The following RBFOX1 variants were observed in gnomAD, a reference collection of about 807,000 sequenced individuals.
RBFOX1 encodes RNA binding fox-1 homolog 1, also known as RNA binding protein fox-1 homolog 1.
Under a neutral mutation model 57.7 loss-of-function variants are expected in RBFOX1, and 8 were observed. The observed-to-expected ratio is 0.14, with a 90% CI of 0.08 to 0.25. RBFOX1 has a LOEUF of 0.25. Among genes scored for constraint, RBFOX1 ranks in the 10% least tolerant of loss-of-function variants. The pLI is 1.00. For missense variants in RBFOX1, 611 were observed against 548.5 expected, an observed-to-expected ratio of 1.11 and a Z score of -1.14; for synonymous variants, 326 against 222.4, an observed-to-expected ratio of 1.47 and a Z score of -4.15.
intron 3 of RBFOX1, among the ~76,000 whole-genome samples, chr16:6,714,477 G>C (rs955547356): frequency 3.3e-5 from 5 of 152,084 alleles, no homozygotes; most frequent in African/African-American, 1.2e-4. Flanking sequence ...TGGAACCAAC[G>C]TACACACATA....
chr16:5,835,777 T>G (rs1031068198), intron 3 of RBFOX1, among the ~76,000 whole-genome samples: 1 of 152,236 alleles, frequency 6.6e-6, no homozygotes, highest in African/African-American at 2.4e-5. Flanking sequence ...TTATATCTGA[T>G]TACTTATTCA....
At chr16:7,492,959 A>G (rs892354255) in intron 4 of RBFOX1, among the ~76,000 whole-genome samples, 1 of 151,880 alleles carries the variant, frequency 6.6e-6, no homozygotes, top group Admixed American at 6.6e-5. Flanking sequence ...GCTCACTGCA[A>G]CCTCCGCCTC....
At chr16:6,386,686 GACA>G (rs2092305945) in intron 2 of RBFOX1, among the ~76,000 whole-genome samples, 1 of 152,224 alleles carries the variant, frequency 6.6e-6, no homozygotes, top group African/African-American at 2.4e-5. Context: ...AATAGTGTCT[GACA>G]CATAGTAGGA....
Position 6,129,747 on chromosome 16 carries a change from G to GAA in RBFOX1, c.-127+109765_-127+109766dup, listed in dbSNP as rs34774478. Among the ~76,000 whole-genome samples, 357 of 131,666 alleles carry GAA rather than the reference G, an allele frequency of 2.7e-3. 2 individuals are homozygous for GAA. The highest frequency in any genetic ancestry group is 7.6e-3 in the African/African-American group (268 of 35,436). 86.4% of individuals were successfully genotyped at this position (131,666 alleles called of 152,430 possible). A position where few individuals can be genotyped will look rare whatever the true frequency, so the allele number is the denominator to read the frequency against. On this transcript the variant is annotated intron_variant, in intron 1 of 15. Transcript: ENST00000550418. ...AAACTCAGACATCAGTCATATTGACGAAAAAAAAAAACCATAGATAATATT... is the reference window on the plus strand; with the variant it reads ...AAACTCAGACATCAGTCATATTGACGAAAAAAAAAAAAACCATAGATAATATT...
intron 3 of RBFOX1, among the ~76,000 whole-genome samples, chr16:6,965,704 A>C (rs191013030): frequency 0.013 from 1,918 of 152,332 alleles, 20 homozygotes; most frequent in Non-Finnish European, 0.02. Flanking sequence ...GAACTTAAAA[A>C]GTAGATGTGA....
intron 4 of RBFOX1, among the ~76,000 whole-genome samples, chr16:7,498,072 T>C (rs1477645781): frequency 6.6e-6 from 1 of 152,210 alleles, no homozygotes; most frequent in Non-Finnish European, 1.5e-5. Flanking sequence ...GTGAAAGTTA[T>C]GTTCTGTTCC....
intron 2 of RBFOX1, among the ~76,000 whole-genome samples, chr16:6,623,970 G>T (rs2098270348): frequency 6.6e-6 from 1 of 152,196 alleles, no homozygotes; most frequent in African/African-American, 2.4e-5. Context: ...TAGTGGGATT[G>T]CTGGGTCAAA....
intron 4 of RBFOX1, among the ~76,000 whole-genome samples, chr16:5,900,823 C>T (rs1263735377): frequency 6.6e-6 from 1 of 152,198 alleles, no homozygotes; most frequent in African/African-American, 2.4e-5. Context: ...TCAAGACATC[C>T]AGGAAGCTGC....
intron 2 of RBFOX1, among the ~76,000 whole-genome samples, chr16:6,557,146 TAC>T (rs940582262): frequency 6.9e-6 from 1 of 144,852 alleles, no homozygotes; most frequent in Non-Finnish European, 1.5e-5. Flanking sequence ...TATACATATA[TAC>T]ACACATATAT....
chr16:7,483,328 C>G (rs12919838), intron 4 of RBFOX1, among the ~76,000 whole-genome samples: 54,950 of 152,048 alleles, frequency 0.36, 11,827 homozygotes, highest in Non-Finnish European at 0.49. Context: ...ACCTGTTGTC[C>G]TATCCCAGAT....
chr16:6,961,567 G>C (rs1324085249), intron 3 of RBFOX1, among the ~76,000 whole-genome samples: 2 of 152,182 alleles, frequency 1.3e-5, no homozygotes, highest in Non-Finnish European at 2.9e-5. Flanking sequence ...CAAACGAATG[G>C]CTACTCCATA....
At chr16:5,636,689 C>T (rs1452976808) in intron 3 of RBFOX1, among the ~76,000 whole-genome samples, 1 of 152,226 alleles carries the variant, frequency 6.6e-6, no homozygotes, top group Non-Finnish European at 1.5e-5. Flanking sequence ...GACCTGAGAT[C>T]ATACCCTTGG....
chr16:5,612,524 G>T (rs2047862024), intron 3 of RBFOX1, among the ~76,000 whole-genome samples: 1 of 152,238 alleles, frequency 6.6e-6, no homozygotes, highest in Non-Finnish European at 1.5e-5. Context: ...GCTTCACAAG[G>T]TAGATAATGG....
chr16:7,479,399 G>T (rs1442800091), intron 4 of RBFOX1, among the ~76,000 whole-genome samples: 1 of 152,060 alleles, frequency 6.6e-6, no homozygotes, highest in East Asian at 1.9e-4. Context: ...CAAAGTGCTG[G>T]GATTACAGGT....
chr16:6,267,181 A>C (rs2074611959), intron 1 of RBFOX1, among the ~76,000 whole-genome samples: 2 of 152,174 alleles, frequency 1.3e-5, no homozygotes, highest in Admixed American at 1.3e-4. Context: ...GAATCTGAAA[A>C]AGGGGGAAAA....
intron 2 of RBFOX1, among the ~76,000 whole-genome samples, chr16:5,581,056 G>A (rs1252015813): frequency 2.6e-5 from 4 of 152,196 alleles, no homozygotes; most frequent in Admixed American, 6.5e-5. Context: ...ACCGGAAAGC[G>A]TTGTCTGTCT....
intron 5 of RBFOX1, among the ~76,000 whole-genome samples, chr16:7,578,855 T>C (rs2093533389): frequency 1.3e-5 from 2 of 152,234 alleles, no homozygotes; most frequent in African/African-American, 2.4e-5. Flanking sequence ...TAATGATACC[T>C]AATGTGACTG....
intron 3 of RBFOX1, among the ~76,000 whole-genome samples, chr16:7,026,904 G>A (rs147396570): frequency 1.3e-5 from 2 of 152,294 alleles, no homozygotes; most frequent in Admixed American, 6.5e-5. Context: ...CCTGTGCCCC[G>A]TAGGGTAATA....
chr16:6,745,067 A>T (rs749983165), intron 3 of RBFOX1, among the ~76,000 whole-genome samples: 2 of 152,080 alleles, frequency 1.3e-5, no homozygotes, highest in Non-Finnish European at 1.5e-5. Flanking sequence ...TTATTTTATG[A>T]TATTAAGATT....
Sources: allele counts gnomAD v4.1 joint callset (sites outside exome capture counted in the v4.1 genomes callset), GRCh38; gene constraint gnomAD v4.1.1; transcripts MANE v1.5; gene names NCBI Gene and HGNC (gene_info 2026-07-23, HGNC 2026-07-21).